The following FARP1 variants were observed in gnomAD, a reference collection of about 807,000 sequenced individuals.
FARP1 encodes the protein FERM, ARH/RhoGEF and pleckstrin domain protein 1, also known as FERM, ARHGEF and pleckstrin domain-containing protein 1.
A neutral mutation model predicts 128.8 loss-of-function variants in FARP1; 52 were observed. That is an observed-to-expected ratio of 0.40 (90% CI 0.32 to 0.51). FARP1 has a LOEUF of 0.51. Among genes scored for constraint, FARP1 ranks in the 20% least tolerant of loss-of-function variants. The pLI, the probability that FARP1 is intolerant of heterozygous loss-of-function variation, is 0.45. For synonymous variants in FARP1, 580 were observed against 551.8 expected, an observed-to-expected ratio of 1.05 and a Z score of -0.72; for missense variants, 1,333 against 1,367.9, an observed-to-expected ratio of 0.97 and a Z score of 0.40.
At chr13:98,428,353 C>T (rs765542614) in intron 17 of FARP1, among the ~76,000 whole-genome samples, 1 of 152,128 alleles carries the variant, frequency 6.6e-6, no homozygotes, top group East Asian at 1.9e-4. Context: ...CTTCCTGTAT[C>T]GCCTGTCTCT....
At chr13:98,398,536 A>C (rs925957326) in intron 13 of FARP1, 2 of 152,208 alleles carry the variant, frequency 1.3e-5, no homozygotes, top group Admixed American at 6.5e-5. Context: ...TTTTGATTCA[A>C]TATTTTAATT....
At chr13:98,355,697 T>A (rs1888611585) in intron 3 of FARP1, among the ~76,000 whole-genome samples, 1 of 152,236 alleles carries the variant, frequency 6.6e-6, no homozygotes, top group South Asian at 2.1e-4. Flanking sequence ...ATTTTCCGTA[T>A]TTGAATTATC....
At chr13:98,302,904 C>T (rs376253360) in intron 2 of FARP1, among the ~76,000 whole-genome samples, 13 of 152,064 alleles carry the variant, frequency 8.5e-5, no homozygotes, top group African/African-American at 2.9e-4. Flanking sequence ...CAGGCCCCAA[C>T]GAGGAGAGCT....
intron 5 of FARP1, among the ~76,000 whole-genome samples, chr13:98,377,481 A>G (rs1363769187): frequency 1.3e-5 from 2 of 152,046 alleles, no homozygotes; most frequent in Non-Finnish European, 2.9e-5. Context: ...GAACCATGTT[A>G]GAGTATGGAT....
At chr13:98,327,190 C>CT (rs1418800158) in intron 2 of FARP1, among the ~76,000 whole-genome samples, 1 of 152,146 alleles carries the variant, frequency 6.6e-6, no homozygotes, top group Non-Finnish European at 1.5e-5. Flanking sequence ...GCTTGCATTG[C>CT]TTTTTCAGAA....
chr13:98,298,697 T>C (rs1221959400), intron 2 of FARP1, among the ~76,000 whole-genome samples: 1 of 152,118 alleles, frequency 6.6e-6, no homozygotes, highest in Non-Finnish European at 1.5e-5. Flanking sequence ...ACATGAGCAA[T>C]GTATAGAGGA....
chr13:98,252,248 C>T (rs559280717), intron 2 of FARP1, among the ~76,000 whole-genome samples: 1 of 152,188 alleles, frequency 6.6e-6, no homozygotes, highest in African/African-American at 2.4e-5. Context: ...TTTCAAAATG[C>T]CCATTTGCAT....
In FARP1 at chr13:98,431,374, G is replaced by T. The variant is rs79051480; in HGVS notation, c.2143+94G>T. ...CCCAGCCAGGGAGGGGCTCCCCGGG[G>T]AGAGAGGTCAGCTGATGCTGGGTCC... On this transcript the variant is annotated intron_variant, in intron 18 of 26. Coordinates refer to ENST00000319562, the MANE Select transcript of FARP1 (RefSeq NM_005766.4). 11,870 of 767,288 alleles carry T rather than the reference G, an allele frequency of 0.015. 573 individuals are homozygous for T. The highest frequency in any genetic ancestry group is 0.14 in the East Asian group (5,061 of 35,710). The allele number at this position is 767,288 out of a possible 1,614,324, so 47.5% of individuals were successfully genotyped here.
intron 13 of FARP1, chr13:98,405,890 C>T (rs1403277207): frequency 1.3e-5 from 2 of 152,212 alleles, no homozygotes; most frequent in African/African-American, 4.8e-5. Context: ...CCCCGTTGCC[C>T]GGGGCTGTGC....
intron 2 of FARP1, among the ~76,000 whole-genome samples, chr13:98,277,677 C>T (rs763736640): frequency 3.3e-5 from 5 of 152,092 alleles, no homozygotes; most frequent in Non-Finnish European, 5.9e-5. Flanking sequence ...TAGAGTCAGC[C>T]GAGTGAGTCT....
At chr13:98,323,043 G>A (rs1887069431) in intron 2 of FARP1, among the ~76,000 whole-genome samples, 1 of 152,294 alleles carries the variant, frequency 6.6e-6, no homozygotes, top group South Asian at 2.1e-4. Flanking sequence ...CACAATTGCA[G>A]GATGTAATAG....
intron 5 of FARP1, 105 bp from the exon 6 acceptor site, chr13:98,377,716 G>T: frequency 2.7e-6 from 2 of 748,614 alleles, no homozygotes; most frequent in South Asian, 3.0e-5. Context: ...TGCAGACTTC[G>T]TGGTTGGGGT....
At chr13:98,318,854 A>G (rs1490190380) in intron 2 of FARP1, among the ~76,000 whole-genome samples, 1 of 151,902 alleles carries the variant, frequency 6.6e-6, no homozygotes, top group Non-Finnish European at 1.5e-5. Flanking sequence ...ATCTTTCTGG[A>G]AAGTATGCGT....
chr13:98,145,065 T>A (rs545656147), intron 1 of FARP1, among the ~76,000 whole-genome samples: 1 of 152,360 alleles, frequency 6.6e-6, no homozygotes, highest in Admixed American at 6.5e-5. Context: ...CTAATAGATC[T>A]GCTTCTGGGT....
Position 98,451,573 on chromosome 13 carries a change from G to A in FARP1, c.*3256G>A, listed in dbSNP as rs1446153166. The A allele has an allele frequency of 1.3e-5, 2 of 152,006 alleles. No individual in the cohort carries two copies. Among genetic ancestry groups the A allele is most frequent in the African/African-American group, 4.8e-5 (2 of 41,380 alleles). 9.4% of individuals were successfully genotyped at this position (152,006 alleles called of 1,614,324 possible). A position where few individuals can be genotyped will look rare whatever the true frequency, so the allele number is the denominator to read the frequency against. ...ACCCACTCAAGCATCTGTAGCTCAG[G>A]GCTCTGTCCCCTCCCTATAGCTTAG... On this transcript the variant is annotated 3_prime_UTR_variant, in exon 27 of 27. Coordinates refer to ENST00000319562, the MANE Select transcript of FARP1 (RefSeq NM_005766.4).
At chr13:98,200,392 C>A (rs1320059786) in intron 1 of FARP1, among the ~76,000 whole-genome samples, 4 of 144,302 alleles carry the variant, frequency 2.8e-5, no homozygotes, top group East Asian at 2.3e-4. Flanking sequence ...CCTTCACCCC[C>A]CCCCCCTCCC....
chr13:98,336,014 T>A (rs570978103), intron 2 of FARP1, among the ~76,000 whole-genome samples: 1 of 152,304 alleles, frequency 6.6e-6, no homozygotes, highest in African/African-American at 2.4e-5. Context: ...TCAAACATTA[T>A]CAAGTTCTGT....
intron 2 of FARP1, among the ~76,000 whole-genome samples, chr13:98,246,979 A>C (rs1883102253): frequency 6.6e-6 from 1 of 152,194 alleles, no homozygotes; most frequent in African/African-American, 2.4e-5. Context: ...TAATCCCAGC[A>C]CTTTGGGAGG....
intron 2 of FARP1, among the ~76,000 whole-genome samples, chr13:98,317,736 C>T (rs1886785728): frequency 6.6e-6 from 1 of 152,150 alleles, no homozygotes. Flanking sequence ...GCTCACAGTT[C>T]TGGAGGCTGG....
Sources: gnomAD v4.1 joint callset for allele counts (sites outside exome capture counted in the v4.1 genomes callset) on GRCh38, gnomAD v4.1.1 for gene constraint, MANE v1.5 for transcripts, NCBI Gene and HGNC (gene_info 2026-07-23, HGNC 2026-07-21) for gene names.